Variants in TBPL2 observed in about 807,000 individuals in gnomAD.
The protein encoded by TBPL2 is TATA-box binding protein like 2, also known as TATA box-binding protein-like 2.
In TBPL2, 40 loss-of-function variants were observed where a neutral mutation model predicts 38.2. The ratio of observed to expected loss-of-function variants is 1.05; its 90% CI spans 0.81 to 1.36. The LOEUF (loss-of-function observed/expected upper bound fraction) is 1.36, where lower values mean the gene tolerates loss of function less well. Among genes scored for constraint, TBPL2 ranks in the 40% most tolerant of loss-of-function variants. The pLI is 0.00. For missense variants in TBPL2, 461 were observed against 456.7 expected, an observed-to-expected ratio of 1.01 and a Z score of -0.09; for synonymous variants, 169 against 171.7, an observed-to-expected ratio of 0.98 and a Z score of 0.12.
intron 3 of TBPL2, 44 bp downstream of exon 3, chr14:55,435,803 C>A: frequency 3.8e-6 from 5 of 1,308,832 alleles, no homozygotes; most frequent in East Asian, 2.6e-5. Flanking sequence ...AAAAGTAAAT[C>A]TAAAGAGAAG....
intron 3 of TBPL2, among the ~76,000 whole-genome samples, chr14:55,434,946 A>T (rs1265527878): frequency 6.6e-6 from 1 of 152,202 alleles, no homozygotes; most frequent in Non-Finnish European, 1.5e-5. Context: ...CTAAGTACAG[A>T]GCCTGGCAAA....
At chr14:55,428,866 A>G (rs1186394514) in exon 5 of TBPL2, 1 of 1,614,100 alleles carries the variant, frequency 6.2e-7, no homozygotes, top group African/African-American at 1.3e-5. Flanking sequence ...ATCTCACATC[A>G]CAGCTTCCAA....
chr14:55,438,581 A>G (rs556917017), intron 1 of TBPL2, among the ~76,000 whole-genome samples: 1 of 152,220 alleles, frequency 6.6e-6, no homozygotes, highest in African/African-American at 2.4e-5. Flanking sequence ...CTTCCCCATC[A>G]TGGCATTTTA....
intron 6 of TBPL2, among the ~76,000 whole-genome samples, chr14:55,419,881 C>A (rs1885717038): frequency 1.3e-5 from 2 of 152,146 alleles, no homozygotes; most frequent in African/African-American, 4.8e-5. Flanking sequence ...TTTACATTTT[C>A]TAGGCAAGTT....
At chr14:55,433,931 A>G (rs543792290) in intron 3 of TBPL2, among the ~76,000 whole-genome samples, 1 of 152,298 alleles carries the variant, frequency 6.6e-6, no homozygotes, top group African/African-American at 2.4e-5. Context: ...TAACTCTTAA[A>G]TTTGAATGCC....
chr14:55,422,539 G>A (rs1411941144), intron 6 of TBPL2, among the ~76,000 whole-genome samples: 3 of 152,002 alleles, frequency 2.0e-5, no homozygotes, highest in Admixed American at 6.5e-5. Context: ...GTGAGCCACC[G>A]CGCCCGGTCA....
At chr14:55,414,622 A>G (rs180696134) in intron 6 of TBPL2, among the ~76,000 whole-genome samples, 167 bp from the exon 7 acceptor site, 1 of 152,348 alleles carries the variant, frequency 6.6e-6, no homozygotes, top group East Asian at 1.9e-4. Context: ...AACTACAGCC[A>G]TATTTCCACA....
At chr14:55,438,123 C>T (rs1345485640) in intron 1 of TBPL2, among the ~76,000 whole-genome samples, 10 of 152,162 alleles carry the variant, frequency 6.6e-5, no homozygotes, top group Non-Finnish European at 1.3e-4. Flanking sequence ...TTGAGCACTG[C>T]TTGCAGGAGA....
intron 1 of TBPL2, among the ~76,000 whole-genome samples, chr14:55,437,576 T>G (rs1886036827): frequency 6.6e-6 from 1 of 152,256 alleles, no homozygotes; most frequent in Non-Finnish European, 1.5e-5. Flanking sequence ...CTTAGCTACT[T>G]TGGTTAGATC....
At chr14:55,421,607 G>A (rs1056167479) in intron 6 of TBPL2, among the ~76,000 whole-genome samples, 1 of 152,152 alleles carries the variant, frequency 6.6e-6, no homozygotes, top group Non-Finnish European at 1.5e-5. Flanking sequence ...GGGGTCACAG[G>A]TGCCTGCCAC....
At chr14:55,433,399 T>C (rs1002399519) in intron 4 of TBPL2, among the ~76,000 whole-genome samples, 1 of 150,670 alleles carries the variant, frequency 6.6e-6, no homozygotes, top group Non-Finnish European at 1.5e-5. Context: ...GCGATCCTCC[T>C]GCTTAGGCCT....
Position 55,414,447 on chromosome 14 carries a change from C to A in TBPL2, c.1060G>T (p.Glu354Ter). ...AATGCTTCATAGATCTCAGAACGTT[C>A]TTTGGCACCTATAAAGAAATCCAGG... Residue 354 changes from glutamate (E) to a stop codon, truncating the protein, a stop_gained, in exon 7 of 7, where the codon GAA becomes TAA. Coordinates refer to ENST00000247219, the Ensembl canonical transcript of TBPL2. LOFTEE classifies it high-confidence loss of function. The A allele has an allele frequency of 6.2e-7, 1 of 1,603,394 alleles. No homozygotes were observed.
At chr14:55,416,963 T>TAG (rs1885677768) in intron 6 of TBPL2, among the ~76,000 whole-genome samples, 1 of 152,144 alleles carries the variant, frequency 6.6e-6, no homozygotes, top group South Asian at 2.1e-4. Context: ...AGCTCAGGAG[T>TAG]AGAGCATTGG....
At chr14:55,430,061 T>C (rs1885900814) in intron 4 of TBPL2, among the ~76,000 whole-genome samples, 1 of 152,184 alleles carries the variant, frequency 6.6e-6, no homozygotes, top group Non-Finnish European at 1.5e-5. Context: ...TCTGTCCTGC[T>C]GCACCCCTAA....
intron 6 of TBPL2, among the ~76,000 whole-genome samples, chr14:55,421,187 A>G (rs1038032659): frequency 1.3e-5 from 2 of 152,132 alleles, no homozygotes; most frequent in South Asian, 2.1e-4. Flanking sequence ...TTTTAATAAG[A>G]TTTATTTGTA....
intron 2 of TBPL2, 88 bp downstream of exon 2, chr14:55,436,473 A>C: frequency 8.8e-7 from 1 of 1,130,124 alleles, no homozygotes; most frequent in Non-Finnish European, 1.3e-6. Context: ...TCTCTTCCCT[A>C]CTATTATCCT....
intron 5 of TBPL2, 136 bp from the exon 6 acceptor site, chr14:55,424,389 C>T: frequency 3.5e-6 from 2 of 564,430 alleles, no homozygotes; most frequent in Non-Finnish European, 6.3e-6. Context: ...AACTTTTTAA[C>T]TATCTTGATG....
intron 4 of TBPL2, among the ~76,000 whole-genome samples, chr14:55,430,485 C>A (rs1048848756): frequency 2.0e-5 from 3 of 151,842 alleles, no homozygotes; most frequent in Non-Finnish European, 4.4e-5. Context: ...TAGCTCACTG[C>A]AGCCTTGAAC....
intron 3 of TBPL2, among the ~76,000 whole-genome samples, chr14:55,434,134 G>T (rs1339089925): frequency 6.6e-6 from 1 of 152,120 alleles, no homozygotes; most frequent in Non-Finnish European, 1.5e-5. Context: ...TTCTTTTGAA[G>T]AATCTTTTGG....
Sources: gnomAD v4.1 joint callset for allele counts (sites outside exome capture counted in the v4.1 genomes callset) on GRCh38, gnomAD v4.1.1 for gene constraint, MANE v1.5 for transcripts, NCBI Gene and HGNC (gene_info 2026-07-23, HGNC 2026-07-21) for gene names.